The following RANBP2 variants were observed in gnomAD, a reference collection of about 807,000 sequenced individuals.
RANBP2 encodes the protein RAN binding protein 2.
RANBP2 carries 57 observed loss-of-function variants against 303.6 expected under a neutral mutation model. The ratio of observed to expected loss-of-function variants is 0.19; its 90% CI spans 0.15 to 0.23. The LOEUF is 0.23. RANBP2 is among the 10% of genes least tolerant of loss of function. The pLI, the probability that RANBP2 is intolerant of heterozygous loss-of-function variation, is 1.00. For missense variants in RANBP2, 3,138 were observed against 3,780.8 expected (o/e 0.83, Z 4.46); for synonymous variants, 1,167 against 1,301.5 (o/e 0.90, Z 2.23).
At chr2:109,320,886 C>T in the RANBP2 span, among the ~76,000 whole-genome samples, 1 of 152,234 alleles carries the variant, frequency 6.6e-6, no homozygotes, top group South Asian at 2.1e-4. Flanking sequence ...CTACGATACT[C>T]ATCACCTGGG....
the RANBP2 span, chr2:108,897,055 C>A: frequency 1.2e-6 from 2 of 1,614,122 alleles, no homozygotes; most frequent in Non-Finnish European, 1.7e-6. Context: ...CGTGCTGATG[C>A]GGTCAAAGAG....
the RANBP2 span, among the ~76,000 whole-genome samples, chr2:109,459,041 A>G: frequency 1.3e-4 from 20 of 152,224 alleles, no homozygotes; most frequent in Non-Finnish European, 2.5e-4. Flanking sequence ...ATGATACAAC[A>G]AGCCTGACTA....
chr2:108,990,917 C>T, the RANBP2 span, among the ~76,000 whole-genome samples: 1 of 152,222 alleles, frequency 6.6e-6, no homozygotes. Context: ...ATCTGTTCTA[C>T]TCCATATAAT....
intron 1 of RANBP2, among the ~76,000 whole-genome samples, chr2:108,720,665 G>T (rs1694162877): frequency 6.6e-6 from 1 of 152,192 alleles, no homozygotes; most frequent in South Asian, 2.1e-4. Flanking sequence ...AATAGAATTT[G>T]ATAGGATGAT....
At chr2:109,266,728 C>T in the RANBP2 span, among the ~76,000 whole-genome samples, 2 of 152,180 alleles carry the variant, frequency 1.3e-5, no homozygotes, top group African/African-American at 2.4e-5. Context: ...GGCAGTGACA[C>T]GGCCCACGCT....
the RANBP2 span, among the ~76,000 whole-genome samples, chr2:109,596,484 G>A: frequency 1.3e-5 from 2 of 152,014 alleles, no homozygotes; most frequent in African/African-American, 4.8e-5. Flanking sequence ...GAGCGTGCTG[G>A]CAGGCACCTG....
chr2:109,482,715 C>T, the RANBP2 span, among the ~76,000 whole-genome samples: 2 of 152,210 alleles, frequency 1.3e-5, no homozygotes, highest in Non-Finnish European at 2.9e-5. Context: ...CTGTCCCTGC[C>T]TGCACCTCCG....
At chr2:109,551,953 C>A in the RANBP2 span, among the ~76,000 whole-genome samples, 2 of 152,210 alleles carry the variant, frequency 1.3e-5, no homozygotes, top group African/African-American at 2.4e-5. Context: ...AATCCCCAGG[C>A]CGCGGACCAG....
At chr2:109,591,469 G>C in the RANBP2 span, among the ~76,000 whole-genome samples, 3 of 152,184 alleles carry the variant, frequency 2.0e-5, no homozygotes, top group Non-Finnish European at 4.4e-5. Flanking sequence ...GTAATCTCTG[G>C]AGGATTAAAC....
the RANBP2 span, among the ~76,000 whole-genome samples, chr2:108,900,426 T>C: frequency 1.3e-5 from 2 of 151,816 alleles, no homozygotes; most frequent in Non-Finnish European, 2.9e-5. Flanking sequence ...TGGTGGCACA[T>C]GCCTGTGATC....
chr2:109,345,508 G>A, the RANBP2 span, among the ~76,000 whole-genome samples: 26 of 152,160 alleles, frequency 1.7e-4, no homozygotes, highest in African/African-American at 6.3e-4. Context: ...CACCCTTGTG[G>A]TTTGGGAATG....
chr2:109,093,624 T>A, the RANBP2 span, among the ~76,000 whole-genome samples: 15 of 38,610 alleles, frequency 3.9e-4, no homozygotes, highest in Non-Finnish European at 1.1e-3. Context: ...TTTAAAAAGA[T>A]TTTTTTTTAA....
At chr2:109,265,446 G>A in the RANBP2 span, among the ~76,000 whole-genome samples, 1 of 152,206 alleles carries the variant, frequency 6.6e-6, no homozygotes, top group Non-Finnish European at 1.5e-5. Flanking sequence ...CCCTGACAGT[G>A]AGCCCCCACC....
the RANBP2 span, among the ~76,000 whole-genome samples, chr2:109,639,855 C>A: frequency 6.6e-6 from 1 of 151,236 alleles, no homozygotes; most frequent in South Asian, 2.1e-4. Context: ...CGATTACAGG[C>A]GCATGCCACC....
the RANBP2 span, among the ~76,000 whole-genome samples, chr2:109,612,427 T>C: frequency 1.3e-5 from 2 of 152,334 alleles, no homozygotes; most frequent in South Asian, 4.1e-4. Flanking sequence ...GATATCGTAC[T>C]ATGGGTTTGC....
the RANBP2 span, among the ~76,000 whole-genome samples, chr2:109,252,374 C>G: frequency 6.6e-6 from 1 of 152,254 alleles, no homozygotes; most frequent in East Asian, 1.9e-4. Context: ...GATGCAAACT[C>G]TCAAAATTTT....
chr2:109,682,872 C>T, the RANBP2 span, among the ~76,000 whole-genome samples: 30 of 152,168 alleles, frequency 2.0e-4, no homozygotes, highest in Non-Finnish European at 3.7e-4. Flanking sequence ...AAGCACTGTC[C>T]GCTCCCTGGC....
At chr2:109,615,629 G>T in the RANBP2 span, 5 of 1,613,678 alleles carry the variant, frequency 3.1e-6, no homozygotes, top group Non-Finnish European at 4.2e-6. Context: ...AGGCCTCCCA[G>T]TACCTGAGTC....
At chr2:109,430,933 G>T in the RANBP2 span, among the ~76,000 whole-genome samples, 1 of 152,212 alleles carries the variant, frequency 6.6e-6, no homozygotes, top group Non-Finnish European at 1.5e-5. Flanking sequence ...ATCAACAAAG[G>T]AAATAGCCAA....
Sources: allele counts gnomAD v4.1 joint callset (sites outside exome capture counted in the v4.1 genomes callset), GRCh38; gene constraint gnomAD v4.1.1; transcripts MANE v1.5; gene names NCBI Gene and HGNC (gene_info 2026-07-23, HGNC 2026-07-21).